Variants in PCDHGA1 observed in about 807,000 individuals in gnomAD.
PCDHGA1 encodes the protein protocadherin gamma subfamily A, 1, also known as protocadherin gamma-A1.
In PCDHGA1, 32 loss-of-function variants were observed where a neutral mutation model predicts 58.0. That is an observed-to-expected ratio of 0.55 (90% CI 0.42 to 0.74). The LOEUF is 0.74. PCDHGA1 is among the 30% of genes least tolerant of loss of function. PCDHGA1 has a pLI of 0.00. For missense variants in PCDHGA1, 1,205 were observed against 1,182.3 expected (o/e 1.02, Z -0.28); for synonymous variants, 498 against 501.1 (o/e 0.99, Z 0.08).
chr5:141,355,667 A>T, intron 1 of PCDHGA1: 1 of 1,614,018 alleles, frequency 6.2e-7, no homozygotes, highest in Non-Finnish European at 8.5e-7. Context: ...CCTCTTCCTG[A>T]AGCTTTTGAT....
intron 1 of PCDHGA1, chr5:141,404,371 C>G (rs374054833): frequency 1.5e-5 from 25 of 1,613,774 alleles, no homozygotes; most frequent in Non-Finnish European, 2.0e-5. Context: ...CCATCTTCTC[C>G]GTGATTGCCT....
intron 1 of PCDHGA1, chr5:141,478,072 G>A (rs752905249): frequency 6.2e-7 from 1 of 1,614,048 alleles, no homozygotes; most frequent in Admixed American, 1.7e-5. Flanking sequence ...AAGACAATGG[G>A]GAGCCTTCGC....
intron 2 of PCDHGA1, among the ~76,000 whole-genome samples, chr5:141,496,775 GCAGGGCC>G (rs1025427712): frequency 6.6e-6 from 1 of 152,038 alleles, no homozygotes; most frequent in Non-Finnish European, 1.5e-5. Flanking sequence ...TCTACTATGA[GCAGGGCC>G]CTGTGCTAAA....
intron 1 of PCDHGA1, chr5:141,427,267 A>C (rs1361287845): frequency 6.6e-6 from 3 of 456,648 alleles, no homozygotes; most frequent in Non-Finnish European, 1.3e-5. Flanking sequence ...ATGACCAGCG[A>C]ATGTAAAATT....
At chr5:141,404,382 A>T in intron 1 of PCDHGA1, 2 of 1,613,978 alleles carry the variant, frequency 1.2e-6, no homozygotes, top group Non-Finnish European at 1.7e-6. Context: ...GTGATTGCCT[A>T]TGACCCTGAT....
intron 1 of PCDHGA1, chr5:141,355,640 A>G (rs373212603): frequency 6.2e-7 from 1 of 1,613,988 alleles, no homozygotes; most frequent in East Asian, 2.2e-5. Context: ...GAAAATGAAA[A>G]TCCTGGGGCA....
rs760618734 is a variant in PCDHGA1, at chr5:141,332,190, T to C, written c.1506T>C (p.Ser502=). 3 of 1,614,218 alleles carry C rather than the reference T, an allele frequency of 1.9e-6. No homozygotes were observed. The highest frequency in any genetic ancestry group is 2.5e-6 in the Non-Finnish European group (3 of 1,180,042). The change falls in exon 1 of 4, where the codon TCT becomes TCC. Residue 502 remains serine (S), a synonymous_variant. Coordinates refer to ENST00000517417, the MANE Select transcript of PCDHGA1 (RefSeq NM_018912.3). This position sits in a 1 kb window ranked among gnomAD's most constrained non-coding sequence, Gnocchi z 4.6. ...ACACTATCCAGGGGGCACCCCTATC[T>C]GCCTACCTCTCCATCAACTCCGACA... ...IEDTIQGAPL[S]AYLSINSDTG...
intron 1 of PCDHGA1, chr5:141,398,750 A>G (rs144881560): frequency 1.1e-5 from 17 of 1,613,502 alleles, no homozygotes; most frequent in Middle Eastern, 1.6e-4. Flanking sequence ...CAGAGTTACC[A>G]TCGTTTAGTC....
chr5:141,497,148 A>G (rs1436451953), intron 2 of PCDHGA1, among the ~76,000 whole-genome samples: 1 of 152,122 alleles, frequency 6.6e-6, no homozygotes, highest in Non-Finnish European at 1.5e-5. Context: ...ATCACGAAAA[A>G]AAAATAATCT....
At chr5:141,419,190 A>G in intron 1 of PCDHGA1, 1 of 1,613,930 alleles carries the variant, frequency 6.2e-7, no homozygotes, top group South Asian at 1.1e-5. Flanking sequence ...CACATTACTG[A>G]CGTCAATGAC....
intron 1 of PCDHGA1, chr5:141,351,970 C>T (rs1390827495): frequency 3.1e-6 from 5 of 1,612,584 alleles, no homozygotes; most frequent in Admixed American, 1.7e-5. Context: ...GCTCCGCCCT[C>T]TTCGATATGG....
chr5:141,404,225 A>G, intron 1 of PCDHGA1: 6 of 1,613,828 alleles, frequency 3.7e-6, no homozygotes, highest in Non-Finnish European at 5.1e-6. Context: ...GGTGACTGCA[A>G]CAGACAGAGG....
At chr5:141,506,699 C>T (rs758682427) in intron 3 of PCDHGA1, among the ~76,000 whole-genome samples, 2 of 152,094 alleles carry the variant, frequency 1.3e-5, no homozygotes, top group Non-Finnish European at 2.9e-5. Flanking sequence ...GACCCAAACC[C>T]GTTTTTTACT....
At chr5:141,353,069 G>C (rs575305873) in intron 1 of PCDHGA1, among the ~76,000 whole-genome samples, 1 of 152,196 alleles carries the variant, frequency 6.6e-6, no homozygotes, top group East Asian at 1.9e-4. Flanking sequence ...CATTGTTCTA[G>C]TGATGGTATC....
chr5:141,381,909 A>AACCTCC (rs1182707286), intron 1 of PCDHGA1, among the ~76,000 whole-genome samples: 1 of 130,036 alleles, frequency 7.7e-6, no homozygotes, highest in East Asian at 2.2e-4. Context: ...GGCTCACCAC[A>AACCTCC]ACCTCCACCT....
At chr5:141,415,157 C>T in intron 1 of PCDHGA1, 1 of 1,613,864 alleles carries the variant, frequency 6.2e-7, no homozygotes, top group Non-Finnish European at 8.5e-7. Flanking sequence ...CTCTCCGCCA[C>T]TGTCACGCTC....
chr5:141,392,690 G>T, intron 1 of PCDHGA1: 1 of 1,127,490 alleles, frequency 8.9e-7, no homozygotes, highest in Non-Finnish European at 1.2e-6. Flanking sequence ...AGCGAAACCC[G>T]ACCCCTGTTT....
At chr5:141,343,918 G>C (rs1243839283) in intron 1 of PCDHGA1, 5 of 951,068 alleles carry the variant, frequency 5.3e-6, no homozygotes, top group Non-Finnish European at 7.7e-6. Flanking sequence ...TAGTCAACCA[G>C]CTGTTTGACC....
intron 1 of PCDHGA1, among the ~76,000 whole-genome samples, chr5:141,433,534 C>T (rs2097618995): frequency 6.6e-6 from 1 of 152,088 alleles, no homozygotes; most frequent in Admixed American, 6.5e-5. Context: ...GTGCCCCGCC[C>T]TTATCAGATA....
Sources: gnomAD v4.1 joint callset for allele counts (sites outside exome capture counted in the v4.1 genomes callset) on GRCh38, gnomAD v4.1.1 for gene constraint, Gnocchi (gnomAD v3.1) non-coding constraint, MANE v1.5 for transcripts, NCBI Gene and HGNC (gene_info 2026-07-23, HGNC 2026-07-21) for gene names.